The following GRID2 variants were observed in gnomAD, a reference collection of about 807,000 sequenced individuals.
The protein encoded by GRID2 is glutamate receptor ionotropic, delta-2.
In GRID2, 33 loss-of-function variants were observed where a neutral mutation model predicts 114.8. That is an observed-to-expected ratio of 0.29 (90% CI 0.22 to 0.38). GRID2 has a LOEUF of 0.38. Ranked by LOEUF, GRID2 falls within the 10% of genes least tolerant of loss-of-function variation. The pLI is 1.00. For synonymous variants in GRID2, 505 were observed against 449.9 expected, an observed-to-expected ratio of 1.12 and a Z score of -1.55; for missense variants, 1,184 against 1,257.7, an observed-to-expected ratio of 0.94 and a Z score of 0.89.
At chr4:93,721,920 C>CTTTTTTTTTTTTT (rs5860343) in intron 14 of GRID2, among the ~76,000 whole-genome samples, 1 of 132,616 alleles carries the variant, frequency 7.5e-6, no homozygotes, top group African/African-American at 2.8e-5. Flanking sequence ...TTTCTTTTTT[C>CTTTTTTTTTTTTT]TTTTTTTTTT....
At chr4:92,944,018 C>T (rs1416944095) in intron 2 of GRID2, among the ~76,000 whole-genome samples, 1 of 152,174 alleles carries the variant, frequency 6.6e-6, no homozygotes, top group African/African-American at 2.4e-5. Context: ...CCCAGTTAGG[C>T]TACTCAGGGG....
At chr4:92,788,917 A>G (rs1425408338) in intron 2 of GRID2, among the ~76,000 whole-genome samples, 1 of 151,772 alleles carries the variant, frequency 6.6e-6, no homozygotes, top group African/African-American at 2.4e-5. Context: ...TCTTTGATTT[A>G]TTCTTGGATG....
intron 14 of GRID2, among the ~76,000 whole-genome samples, chr4:93,717,638 T>C (rs1230349697): frequency 6.6e-6 from 1 of 152,180 alleles, no homozygotes; most frequent in Non-Finnish European, 1.5e-5. Flanking sequence ...TTTATAACCA[T>C]ACGTTTAAGA....
rs536511051 is a variant in GRID2 at position 93,518,113 on chromosome 4, A to T, written c.2193+2702A>T. Among the ~76,000 whole-genome samples, 12 of 150,412 alleles carry T rather than the reference A, an allele frequency of 8.0e-5. No homozygotes were observed. In the South Asian group the frequency reaches 2.5e-3, roughly 31 times the overall value. On this transcript the variant is annotated intron_variant, in intron 13 of 15. Coordinates refer to ENST00000282020, the MANE Select transcript of GRID2 (RefSeq NM_001510.4). ...CACTATATATGGATATATATATAGT[A>T]ACTGCCTTCCAGGAAGGCCTGCATC...
At chr4:92,407,164 A>G (rs889437473) in intron 1 of GRID2, among the ~76,000 whole-genome samples, 29 of 152,248 alleles carry the variant, frequency 1.9e-4, no homozygotes, top group African/African-American at 6.5e-4. Context: ...CGAGAACAGC[A>G]TGGGGGAAAC....
At position 93,406,150 on chromosome 4, in the gene GRID2, TA is replaced by T. The variant is rs1766390687; in HGVS notation, c.1347+10444del. ...AATTTACTCCCAGCCATGATGATTCTAACAAGGACTGGCCTAATTTCCTGCC... is the reference window on the plus strand; with the variant it reads ...AATTTACTCCCAGCCATGATGATTCTACAAGGACTGGCCTAATTTCCTGCC... On this transcript the variant is annotated intron_variant, in intron 9 of 15. Coordinates refer to ENST00000282020, the MANE Select transcript of GRID2 (RefSeq NM_001510.4). 2.0e-5 allele frequency among the ~76,000 whole-genome samples: 3 copies of T among 152,276 alleles called. No individual in the cohort carries two copies. In the East Asian group the frequency reaches 5.8e-4, roughly 29 times the overall value.
intron 13 of GRID2, among the ~76,000 whole-genome samples, chr4:93,580,488 G>A (rs1025470997): frequency 9.9e-5 from 15 of 152,168 alleles, no homozygotes; most frequent in African/African-American, 3.6e-4. Context: ...ATTGACTGCA[G>A]TATGGAATAA....
At chr4:92,902,083 C>T (rs928602322) in intron 2 of GRID2, among the ~76,000 whole-genome samples, 27 of 152,134 alleles carry the variant, frequency 1.8e-4, no homozygotes, top group African/African-American at 6.0e-4. Flanking sequence ...GTGGTTTTGC[C>T]ATTGAAAGAA....
At chr4:93,491,880 A>G (rs1727041822) in intron 12 of GRID2, among the ~76,000 whole-genome samples, 1 of 151,514 alleles carries the variant, frequency 6.6e-6, no homozygotes, top group Non-Finnish European at 1.5e-5. Flanking sequence ...ACAAATTGAA[A>G]CTCCCATATT....
At position 92,827,594 on chromosome 4, in the gene GRID2, T is replaced by A. The variant is rs188404855; in HGVS notation, c.244+237308T>A. Among the ~76,000 whole-genome samples, 454 of 152,184 alleles carry A rather than the reference T, an allele frequency of 3.0e-3. 5 individuals carry two copies. Among genetic ancestry groups the A allele is most frequent in the South Asian group, 0.013 (63 of 4,822 alleles). ...GCTTTTAATCATATTATCTTAAATA[T>A]GATTTTTTTCTCCAGCCAAGACACC... is the stretch of plus-strand genomic sequence containing the variant. On this transcript the variant is annotated intron_variant, in intron 2 of 15. Coordinates refer to ENST00000282020, the MANE Select transcript of GRID2 (RefSeq NM_001510.4).
At chr4:93,344,185 A>T (rs1029350133) in intron 8 of GRID2, among the ~76,000 whole-genome samples, 1 of 152,038 alleles carries the variant, frequency 6.6e-6, no homozygotes, top group Non-Finnish European at 1.5e-5. Flanking sequence ...CCCTTACAAG[A>T]CTGGTCATCA....
intron 2 of GRID2, among the ~76,000 whole-genome samples, chr4:92,693,993 C>G (rs953024071): frequency 3.0e-4 from 46 of 152,002 alleles, no homozygotes; most frequent in East Asian, 1.9e-4. Context: ...TTTGAAGCAG[C>G]AGATGTGGAC....
intron 4 of GRID2, among the ~76,000 whole-genome samples, chr4:93,134,674 G>T (rs1208716399): frequency 1.3e-5 from 2 of 152,006 alleles, no homozygotes; most frequent in African/African-American, 2.4e-5. Flanking sequence ...CACTATTAAG[G>T]CATTTTAATG....
At chr4:92,944,302 A>G (rs560430359) in intron 2 of GRID2, among the ~76,000 whole-genome samples, 11 of 152,238 alleles carry the variant, frequency 7.2e-5, no homozygotes, top group South Asian at 2.1e-4. Context: ...CCTTGCTGCC[A>G]CCTTGCAGTT....
intron 2 of GRID2, among the ~76,000 whole-genome samples, chr4:92,988,123 T>G (rs1267229687): frequency 6.6e-6 from 1 of 152,188 alleles, no homozygotes; most frequent in African/African-American, 2.4e-5. Flanking sequence ...ACATATTACC[T>G]TATAGTTTTT....
At chr4:93,114,745 G>T (rs916375393) in intron 4 of GRID2, among the ~76,000 whole-genome samples, 1 of 152,134 alleles carries the variant, frequency 6.6e-6, no homozygotes, top group African/African-American at 2.4e-5. Context: ...CCCTATTAGT[G>T]CTGGGAGCAG....
intron 1 of GRID2, among the ~76,000 whole-genome samples, chr4:92,570,848 A>G (rs1190023247): frequency 3.3e-5 from 5 of 152,126 alleles, no homozygotes; most frequent in African/African-American, 1.2e-4. Flanking sequence ...CAGCTTTTCA[A>G]CTGGATGACG....
intron 2 of GRID2, among the ~76,000 whole-genome samples, chr4:92,663,686 G>A (rs1316754233): frequency 6.6e-6 from 1 of 150,988 alleles, no homozygotes; most frequent in Non-Finnish European, 1.5e-5. Context: ...TAAGTGTACA[G>A]TTCAGTGGTC....
intron 13 of GRID2, among the ~76,000 whole-genome samples, chr4:93,596,766 A>G (rs1739148418): frequency 1.3e-5 from 2 of 152,166 alleles, no homozygotes; most frequent in South Asian, 2.1e-4. Context: ...ACTTGTGAAA[A>G]CACGATCTGT....
Sources: allele counts gnomAD v4.1 joint callset (sites outside exome capture counted in the v4.1 genomes callset), GRCh38; gene constraint gnomAD v4.1.1; transcripts MANE v1.5; gene names NCBI Gene and HGNC (gene_info 2026-07-23, HGNC 2026-07-21).